The following DONSON variants were observed in gnomAD, a reference collection of about 807,000 sequenced individuals.
DONSON encodes protein downstream neighbor of Son.
In DONSON, 43 loss-of-function variants were observed where a neutral mutation model predicts 62.1. The ratio of observed to expected loss-of-function variants is 0.69; its 90% CI spans 0.54 to 0.89. The LOEUF (loss-of-function observed/expected upper bound fraction) is 0.89, where lower values mean the gene tolerates loss of function less well. Ranked by LOEUF, DONSON falls within the 40% of genes least tolerant of loss-of-function variation. DONSON has a pLI of 0.00. For missense variants in DONSON, 696 were observed against 697.5 expected (o/e 1.00, Z 0.03); for synonymous variants, 266 against 264.6 (o/e 1.01, Z -0.05).
Position 33,583,601 on chromosome 21 carries a change from C to T in DONSON, c.851G>A (p.Cys284Tyr). The change falls in exon 5 of 10, where the codon TGT becomes TAT. Residue 284 changes from cysteine to tyrosine, a missense_variant. Transcript: ENST00000303071. Reference sequence around the variant, plus strand: ...GAACAGGACAGTAAACTGATAGGTACAAACGTAGAAATAGGGGCAAAGTTT... The same window carrying T: ...GAACAGGACAGTAAACTGATAGGTATAAACGTAGAAATAGGGGCAAAGTTT... ...KTKLCPYFYV[C>Y]TYQFTVLFRA... The T allele has an allele frequency of 6.2e-7, 1 of 1,613,330 alleles. No individual in the cohort carries two copies. The highest frequency in any genetic ancestry group is 1.7e-4 in the Middle Eastern group (1 of 6,058).
chr21:33,578,759 A>G (rs181194740), intron 9 of DONSON, among the ~76,000 whole-genome samples: 70 of 152,356 alleles, frequency 4.6e-4, no homozygotes, highest in Admixed American at 4.0e-3. Flanking sequence ...TAAAGGAATC[A>G]GGTACTATTG....
chr21:33,578,559 A>T, intron 9 of DONSON, 115 bp from the exon 10 acceptor site: 2 of 1,159,646 alleles, frequency 1.7e-6, no homozygotes, highest in Non-Finnish European at 2.3e-6. Flanking sequence ...GATTCATCCT[A>T]TTAATAGAAG....
Position 33,582,249 on chromosome 21 carries a change from A to G in DONSON, c.965-3T>C, listed in dbSNP as rs760564400. On this transcript the variant is annotated splice_polypyrimidine_tract_variant and splice_region_variant and intron_variant, in intron 5 of 9. Coordinates refer to ENST00000303071, the MANE Select transcript of DONSON (RefSeq NM_017613.4). ...TAAAGGCAGAGAAAATTCAATACCTATATGAGGAACAAAAATGTAACTGAG... is the reference window on the plus strand; with the variant it reads ...TAAAGGCAGAGAAAATTCAATACCTGTATGAGGAACAAAAATGTAACTGAG... The G allele has an allele frequency of 1.1e-4, 177 of 1,609,560 alleles. 1 individual carries two copies. In the South Asian group the frequency reaches 1.8e-3, roughly 16 times the overall value.
intron 4 of DONSON, among the ~76,000 whole-genome samples, chr21:33,584,342 G>A (rs2086554058): frequency 6.6e-6 from 1 of 151,378 alleles, no homozygotes; most frequent in Non-Finnish European, 1.5e-5. Flanking sequence ...CACCACACCC[G>A]GCCTGCCTGT....
chr21:33,583,471 T>C lies in DONSON; in HGVS notation c.964+17A>G, dbSNP rs2086540669. 6.2e-7 allele frequency: 1 copy of C among 1,611,626 alleles called. No homozygotes were observed. Among genetic ancestry groups the C allele is most frequent in the African/African-American group, 1.3e-5 (1 of 74,886 alleles). ...ACTATATAGTATAGTATTCTCACTT[T>C]AAACCTAAACTTTTACCTTCATTTC... is the stretch of plus-strand genomic sequence containing the variant. On this transcript the variant is annotated intron_variant, in intron 5 of 9. Coordinates refer to ENST00000303071, the MANE Select transcript of DONSON (RefSeq NM_017613.4).
intron 3 of DONSON, among the ~76,000 whole-genome samples, 185 bp from the exon 4 acceptor site, chr21:33,584,953 C>T (rs568485636): frequency 3.3e-5 from 5 of 152,228 alleles, no homozygotes; most frequent in South Asian, 2.1e-4. Context: ...AATGGTAAGC[C>T]GTAGTATCAG....
At chr21:33,579,241 G>T in intron 9 of DONSON, 109 bp downstream of exon 9, 1 of 767,556 alleles carries the variant, frequency 1.3e-6, no homozygotes, top group South Asian at 3.5e-5. Flanking sequence ...TTAAGTAACA[G>T]TTTAATTACT....
In DONSON at chr21:33,581,480, A is replaced by C. The variant is rs760980116; in HGVS notation, c.1172T>G (p.Val391Gly). Residue 391 changes from valine to glycine, a missense_variant, in exon 8 of 10, where the codon GTA (valine) becomes GGA (glycine). Physicochemically the swap from Val to Gly is moderately radical, Grantham distance 109 (BLOSUM62 -3). Coordinates refer to ENST00000303071, the MANE Select transcript of DONSON (RefSeq NM_017613.4). ...SIKLRKEKHE[V>G]QMDHRPESVV... ...AGATTCAGGTCTGTGATCCATTTGT[A>C]CTTCATGTTTCTCTTTACGCCTGAA... 4.3e-6 allele frequency: 7 copies of C among 1,613,588 alleles called. No homozygotes were observed. The highest frequency in any genetic ancestry group is 5.9e-6 in the Non-Finnish European group (7 of 1,179,660).
At chr21:33,587,698 A>T in intron 1 of DONSON, 96 bp from the exon 2 acceptor site, 1 of 772,922 alleles carries the variant, frequency 1.3e-6, no homozygotes, top group Non-Finnish European at 2.1e-6. Flanking sequence ...TTTCTCAATA[A>T]ACGCAAGTAC....
chr21:33,578,577 T>A, intron 9 of DONSON, 133 bp from the exon 10 acceptor site: 1 of 1,037,466 alleles, frequency 9.6e-7, no homozygotes, highest in Non-Finnish European at 1.3e-6. Context: ...AAGTTGATGC[T>A]AAGAATTTTT....
At chr21:33,581,151 T>G (rs1180289985) in intron 8 of DONSON, 151 bp downstream of exon 8, 1 of 621,364 alleles carries the variant, frequency 1.6e-6, no homozygotes, top group Admixed American at 3.0e-5. Flanking sequence ...ATAACTGTCT[T>G]ATATAATTTT....
At chr21:33,579,235 G>GT (rs767255237) in intron 9 of DONSON, 115 bp downstream of exon 9, 15 of 705,168 alleles carry the variant, frequency 2.1e-5, no homozygotes, top group Non-Finnish European at 3.0e-5. Flanking sequence ...TCATAATTAA[G>GT]TAACAGTTTA....
Position 33,582,050 on chromosome 21 carries a change from T to G in DONSON, c.1052A>C (p.Gln351Pro), listed in dbSNP as rs768933410. The change falls in exon 7 of 10, where the codon CAA becomes CCA. Residue 351 changes from glutamine to proline, a missense_variant. Physicochemically the swap from Gln to Pro is moderately conservative, Grantham distance 76 (BLOSUM62 -1). Coordinates refer to ENST00000303071, the MANE Select transcript of DONSON (RefSeq NM_017613.4). Reference protein sequence around the residue: ...SGTSLGYGEEQAISDEDEEES... With the variant: ...SGTSLGYGEEPAISDEDEEES... ...CTCTTCATCCTCATCACTGATGGCT[T>G]GCTCCCTAGGAAATTGCTACAGTTA... 1 of 1,614,126 alleles carries G rather than the reference T, an allele frequency of 6.2e-7. No individual in the cohort carries two copies. Among genetic ancestry groups the G allele is most frequent in the East Asian group, 2.2e-5 (1 of 44,860 alleles).
intron 8 of DONSON, 100 bp downstream of exon 8, chr21:33,581,202 G>T: frequency 3.5e-6 from 4 of 1,130,810 alleles, no homozygotes; most frequent in Non-Finnish European, 3.7e-6. Flanking sequence ...ATGAAAATAT[G>T]TACCAAGTAA....
intron 2 of DONSON, 126 bp downstream of exon 2, chr21:33,587,396 C>T: frequency 7.1e-7 from 1 of 1,404,820 alleles, no homozygotes; most frequent in Non-Finnish European, 9.3e-7. Context: ...TCAAGCCTCT[C>T]TGTAAAACTA....
intron 8 of DONSON, among the ~76,000 whole-genome samples, chr21:33,580,898 C>T (rs1483273112): frequency 2.0e-5 from 3 of 150,082 alleles, no homozygotes; most frequent in Non-Finnish European, 4.4e-5. Flanking sequence ...CAAACAAAAA[C>T]AAACAAGAAA....
chr21:33,581,523 T>C (rs554610235), intron 7 of DONSON, 23 bp from the exon 8 acceptor site: 18 of 1,600,390 alleles, frequency 1.1e-5, no homozygotes, highest in South Asian at 1.0e-4. Context: ...ATCAAGGAAA[T>C]TGCAAAAGCA....
intron 1 of DONSON, 21 bp from the exon 2 acceptor site, chr21:33,587,623 C>T (rs902860577): frequency 1.3e-6 from 2 of 1,525,864 alleles, no homozygotes; most frequent in Non-Finnish European, 8.9e-7. Context: ...ATATATTCTC[C>T]TTTAAAATTT....
At position 33,577,687 on chromosome 21, in the gene DONSON, AC is replaced by A. The variant is rs2086447788; in HGVS notation, c.*619del. ...CACACACACACACACACACACACAC[AC>A]ACACACACACACACCCCTATAAGCA... On this transcript the variant is annotated 3_prime_UTR_variant, in exon 10 of 10. Coordinates refer to ENST00000303071, the MANE Select transcript of DONSON (RefSeq NM_017613.4). The A allele has an allele frequency of 8.5e-6, 1 of 117,078 alleles. No homozygotes were observed. Among genetic ancestry groups the A allele is most frequent in the Admixed American group, 8.7e-5 (1 of 11,554 alleles). 7.3% of individuals were successfully genotyped at this position (117,078 alleles called of 1,614,324 possible). A position where few individuals can be genotyped will look rare whatever the true frequency, so the allele number is the denominator to read the frequency against.
Sources: allele counts gnomAD v4.1 joint callset (sites outside exome capture counted in the v4.1 genomes callset), GRCh38; gene constraint gnomAD v4.1.1; transcripts MANE v1.5; gene names NCBI Gene and HGNC (gene_info 2026-07-23, HGNC 2026-07-21).